ZFYVE16: variants seen among roughly 807,000 people sequenced by gnomAD.
ZFYVE16 encodes the protein zinc finger FYVE domain-containing protein 16.
Under a neutral mutation model 138.1 loss-of-function variants are expected in ZFYVE16, and 89 were observed. The observed-to-expected ratio is 0.64, with a 90% CI of 0.54 to 0.77. The LOEUF is 0.77. ZFYVE16 is among the 30% of genes least tolerant of loss of function. The pLI, the probability that ZFYVE16 is intolerant of heterozygous loss-of-function variation, is 0.00. For synonymous variants in ZFYVE16, 596 were observed against 618.3 expected (o/e 0.96, Z 0.53); for missense variants, 1,793 against 1,786.7 (o/e 1.00, Z -0.06).
At chr5:80,447,941 A>T in intron 7 of ZFYVE16, 85 bp from the exon 8 acceptor site, 1 of 1,193,234 alleles carries the variant, frequency 8.4e-7, no homozygotes, top group Non-Finnish European at 1.1e-6. Context: ...TATTAAAAAG[A>T]TATGTTTGGC....
intron 2 of ZFYVE16, among the ~76,000 whole-genome samples, chr5:80,433,212 A>T (rs1166507308): frequency 1.3e-5 from 2 of 152,204 alleles, no homozygotes; most frequent in Non-Finnish European, 2.9e-5. Context: ...GATAGACTGG[A>T]TTAAGAAAAT....
intron 7 of ZFYVE16, among the ~76,000 whole-genome samples, chr5:80,447,621 C>T (rs1023852364): frequency 6.6e-6 from 1 of 152,182 alleles, no homozygotes; most frequent in Non-Finnish European, 1.5e-5. Flanking sequence ...ACTCCCCTCC[C>T]CTTCTTCCTG....
rs1169992299 is a variant in ZFYVE16, at chr5:80,480,588, C to T, written c.*3211C>T. On this transcript the variant is annotated 3_prime_UTR_variant, in exon 19 of 19. Coordinates refer to ENST00000505560, the MANE Select transcript of ZFYVE16 (RefSeq NM_001284236.3). ...GACATGACCCCACACATTCTAGAAG[C>T]CAGACAAATCCCAAACAGAATAAAC... 6.6e-6 allele frequency among the ~76,000 whole-genome samples: 1 copy of T among 152,040 alleles called. No homozygotes were observed. The highest frequency in any genetic ancestry group is 1.5e-5 in the Non-Finnish European group (1 of 68,006).
rs901558884 is a variant in ZFYVE16, at chr5:80,482,013, G to C, written c.*4636G>C. On this transcript the variant is annotated 3_prime_UTR_variant, in exon 19 of 19. Coordinates refer to ENST00000505560, the MANE Select transcript of ZFYVE16 (RefSeq NM_001284236.3). ...TTTTTGTATTTTTAATAGAGACAGA[G>C]TTTCACCACGTTGGCCAGGCTGGTC... Among the ~76,000 whole-genome samples the C allele has an allele frequency of 6.6e-6, 1 of 152,166 alleles. No homozygotes were observed. Among genetic ancestry groups the C allele is most frequent in the Admixed American group, 6.5e-5 (1 of 15,272 alleles).
chr5:80,408,092 C>T lies in ZFYVE16; in HGVS notation c.-155C>T, dbSNP rs1299822294. The T allele has an allele frequency of 6.6e-6, 1 of 152,286 alleles. No individual in the cohort carries two copies. The highest frequency in any genetic ancestry group is 2.4e-5 in the African/African-American group (1 of 41,470). 9.4% of individuals were successfully genotyped at this position (152,286 alleles called of 1,614,324 possible). A position where few individuals can be genotyped will look rare whatever the true frequency, so the allele number is the denominator to read the frequency against. On this transcript the variant is annotated 5_prime_UTR_variant, in exon 1 of 19. Transcript: ENST00000505560. The stretch of plus-strand genomic sequence containing the variant: ...CCCAGGACTCCCGGCCGGGGTAGCT[C>T]TTCACTCCTCAGCGCGACGTCGTGT...
chr5:80,467,262 C>T (rs961038100), intron 15 of ZFYVE16, among the ~76,000 whole-genome samples: 3 of 152,152 alleles, frequency 2.0e-5, no homozygotes, highest in Admixed American at 6.5e-5. Flanking sequence ...AATGCTTTGT[C>T]GGTAAGGGGT....
At chr5:80,469,604 C>A (rs1215719341) in intron 15 of ZFYVE16, among the ~76,000 whole-genome samples, 1 of 152,048 alleles carries the variant, frequency 6.6e-6, no homozygotes, top group African/African-American at 2.4e-5. Context: ...TTATGTGTGC[C>A]TAGATTCCAG....
chr5:80,419,597 T>G (rs1228387458), intron 1 of ZFYVE16, among the ~76,000 whole-genome samples: 5 of 151,976 alleles, frequency 3.3e-5, no homozygotes, highest in Non-Finnish European at 7.4e-5. Flanking sequence ...CAGGCTGGTC[T>G]CGAACTCTTG....
chr5:80,461,662 C>CTCT (rs759307109), intron 15 of ZFYVE16, among the ~76,000 whole-genome samples: 1 of 152,098 alleles, frequency 6.6e-6, no homozygotes, highest in African/African-American at 2.4e-5. Context: ...GCTCCAGTAT[C>CTCT]TCTTCTTCTT....
rs1422847692 is a variant in ZFYVE16, at chr5:80,438,922, C to G, written c.2237C>G (p.Pro746Arg). The change falls in exon 4 of 19, where the codon CCT becomes CGT. Residue 746 changes from proline to arginine, a missense_variant. Pro to Arg is a moderately radical substitution (Grantham distance 103, BLOSUM62 -2). Around this residue, in one of 2 missense-constraint regions of ZFYVE16, gnomAD observed 1,295 missense variants for 1,204.3 expected, o/e 1.08. Coordinates refer to ENST00000505560, the MANE Select transcript of ZFYVE16 (RefSeq NM_001284236.3). ...VLGQKQPTWV[P>R]DSEAPNCMNC... ...GGCCAGAAACAGCCTACTTGGGTTCCTGATTCAGAAGCTCCAAACTGTATG... is the reference window on the plus strand; with the variant it reads ...GGCCAGAAACAGCCTACTTGGGTTCGTGATTCAGAAGCTCCAAACTGTATG... The G allele has an allele frequency of 6.2e-7, 1 of 1,613,972 alleles. No individual in the cohort carries two copies. Among genetic ancestry groups the G allele is most frequent in the African/African-American group, 1.3e-5 (1 of 74,932 alleles).
rs559202439 is a variant in ZFYVE16, at chr5:80,431,648, G to A, written c.-39-2461G>A. ...AATTAGGAAAAGAGGAAGTCAAATT[G>A]TCCCTGTTTGCAGATAACATGATTG... is the stretch of plus-strand genomic sequence containing the variant. On this transcript the variant is annotated intron_variant, in intron 2 of 18. Transcript: ENST00000505560. 8.5e-5 allele frequency among the ~76,000 whole-genome samples: 13 copies of A among 152,302 alleles called. No individual in the cohort carries two copies. In the South Asian group the frequency reaches 2.7e-3, roughly 32 times the overall value.
In ZFYVE16 at chr5:80,434,199, G is replaced by T; in HGVS notation, c.52G>T (p.Asp18Tyr). Reference protein sequence around the residue: ...AVSDLDKLLDDFEQNPDEQDY... With the variant: ...AVSDLDKLLDYFEQNPDEQDY... ...CAGTGACTTGGACAAACTCCTTGAT[G>T]ATTTTGAACAGAACCCAGGTTTGTT... is the stretch of plus-strand genomic sequence containing the variant. The change falls in exon 3 of 19, where the codon GAT becomes TAT. Residue 18 changes from aspartate (D) to tyrosine (Y), a missense_variant. Transcript: ENST00000505560. 6.2e-7 allele frequency: 1 copy of T among 1,613,390 alleles called. No homozygotes were observed. Among genetic ancestry groups the T allele is most frequent in the Non-Finnish European group, 8.5e-7 (1 of 1,179,556 alleles).
At position 80,437,225 on chromosome 5, in the gene ZFYVE16, T is replaced by G; in HGVS notation, c.540T>G (p.His180Gln). Residue 180 changes from histidine (H) to glutamine (Q), a missense_variant, in exon 4 of 19, where the codon CAT becomes CAG. This residue lies in a region of ZFYVE16 where 1,295 missense variants were observed against 1,204.3 expected (regional missense o/e 1.08). Transcript: ENST00000505560. ...CTCCCTGTGTTTCTTCAACAGACCA[T>G]GATAGTGATACTGTCAGAGAACAAC... Reference protein sequence around the residue: ...SDTPCVSSTDHDSDTVREQQN... With the variant: ...SDTPCVSSTDQDSDTVREQQN... The G allele has an allele frequency of 6.2e-7, 1 of 1,613,988 alleles. No homozygotes were observed. The highest frequency in any genetic ancestry group is 1.6e-4 in the Middle Eastern group (1 of 6,062).
chr5:80,435,296 G>A (rs1341474856), intron 3 of ZFYVE16, among the ~76,000 whole-genome samples: 2 of 152,150 alleles, frequency 1.3e-5, no homozygotes, highest in Non-Finnish European at 2.9e-5. Context: ...GCCTCCCAAA[G>A]TGCTGGGATT....
chr5:80,478,752 T>A lies in ZFYVE16; in HGVS notation c.*1375T>A, dbSNP rs960626607. The stretch of plus-strand genomic sequence containing the variant: ...GTCTCAAGCTAGGAGAGACTGAGAA[T>A]TTTAATCAGTTTGGGCATATAGTTT... On this transcript the variant is annotated 3_prime_UTR_variant, in exon 19 of 19. Coordinates refer to ENST00000505560, the MANE Select transcript of ZFYVE16 (RefSeq NM_001284236.3). 1.3e-5 allele frequency: 2 copies of A among 152,142 alleles called. No individual in the cohort carries two copies. The highest frequency in any genetic ancestry group is 2.4e-5 in the African/African-American group (1 of 41,450). 9.4% of individuals were successfully genotyped at this position (152,142 alleles called of 1,614,324 possible). A position where few individuals can be genotyped will look rare whatever the true frequency, so the allele number is the denominator to read the frequency against.
intron 1 of ZFYVE16, 123 bp from the exon 2 acceptor site, chr5:80,427,369 C>G (rs1270707709): frequency 6.6e-6 from 1 of 151,762 alleles, no homozygotes; most frequent in Admixed American, 6.6e-5. Context: ...TAAAAAAAAT[C>G]TATTTGATTT....
At chr5:80,418,749 T>G (rs560697257) in intron 1 of ZFYVE16, among the ~76,000 whole-genome samples, 2 of 152,148 alleles carry the variant, frequency 1.3e-5, no homozygotes, top group African/African-American at 4.8e-5. Flanking sequence ...TTTTGCAGAG[T>G]GCAAGTTTTA....
chr5:80,411,560 C>T (rs1484113942), intron 1 of ZFYVE16: 1 of 152,070 alleles, frequency 6.6e-6, no homozygotes, highest in Admixed American at 6.6e-5. Context: ...AAAGTTTTAT[C>T]CTGAGTGGTT....
intron 1 of ZFYVE16, among the ~76,000 whole-genome samples, chr5:80,426,258 GTGTGTGTGTGTGTGTATATA>G (rs1748017149): frequency 1.9e-5 from 1 of 54,040 alleles, no homozygotes; most frequent in African/African-American, 4.9e-5. Context: ...GTGTGTGTGT[GTGTGTGTGTGTGTGTATATA>G]TATATATATA....
Sources: allele counts gnomAD v4.1 joint callset (sites outside exome capture counted in the v4.1 genomes callset), GRCh38; gene constraint gnomAD v4.1.1; regional missense constraint gnomAD v4.1.1; transcripts MANE v1.5; gene names NCBI Gene and HGNC (gene_info 2026-07-23, HGNC 2026-07-21).